The following NASP variants were observed in gnomAD, a reference collection of about 807,000 sequenced individuals.
NASP encodes the protein nuclear autoantigenic sperm protein.
A neutral mutation model predicts 89.5 loss-of-function variants in NASP; 24 were observed. The ratio of observed to expected loss-of-function variants is 0.27; its 90% confidence interval spans 0.19 to 0.38. The LOEUF (loss-of-function observed/expected upper bound fraction) is 0.38. NASP is among the 10% of genes least tolerant of loss of function. The pLI, the probability that NASP is intolerant of heterozygous loss-of-function variation, is 1.00. For synonymous variants in NASP, 306 were observed against 324.7 expected (o/e 0.94, Z 0.62); for missense variants, 848 against 921.4 (o/e 0.92, Z 1.03).
chr1:45,589,227 A>G (rs1040607866), intron 1 of NASP, among the ~76,000 whole-genome samples: 3 of 152,114 alleles, frequency 2.0e-5, no homozygotes, highest in Non-Finnish European at 4.4e-5. Flanking sequence ...TCCTGGGCTC[A>G]AGCAATCTTC....
At chr1:45,587,689 A>T (rs868786900) in intron 1 of NASP, among the ~76,000 whole-genome samples, 2 of 4,418 alleles carry the variant, frequency 4.5e-4, no homozygotes, top group South Asian at 0.013. Flanking sequence ...TATATATATA[A>T]TTAATTTTTT....
chr1:45,601,043 G>A (rs892035998), intron 2 of NASP, among the ~76,000 whole-genome samples: 1 of 151,926 alleles, frequency 6.6e-6, no homozygotes, highest in Non-Finnish European at 1.5e-5. Context: ...TTATTACTAC[G>A]TTCTAAGAGT....
intron 3 of NASP, 60 bp from the exon 4 acceptor site, chr1:45,604,876 A>G (rs533478802): frequency 6.3e-6 from 8 of 1,262,434 alleles, no homozygotes; most frequent in Admixed American, 1.8e-5. Flanking sequence ...CTGAAGAACT[A>G]GAACTAAATG....
Position 45,616,336 on chromosome 1 carries a change from G to T in NASP, c.2023-1G>T. 6.2e-7 allele frequency: 1 copy of T among 1,614,088 alleles called. No individual in the cohort carries two copies. The highest frequency in any genetic ancestry group is 1.1e-5 in the South Asian group (1 of 91,080). Reference sequence around the variant, plus strand: ...TAATTTGGATTTGTCATTTCTCGCAGGTGGAGAGTTCTACTTCAGGTTTCA... The same window carrying T: ...TAATTTGGATTTGTCATTTCTCGCATGTGGAGAGTTCTACTTCAGGTTTCA... On this transcript the variant is annotated splice_acceptor_variant, in intron 11 of 14. Coordinates refer to ENST00000350030, the MANE Select transcript of NASP (RefSeq NM_002482.4). LOFTEE classifies it high-confidence loss of function.
intron 1 of NASP, among the ~76,000 whole-genome samples, chr1:45,590,539 G>A (rs1371375426): frequency 3.0e-5 from 4 of 133,688 alleles, no homozygotes; most frequent in Non-Finnish European, 4.6e-5. Context: ...GACAGAGCAA[G>A]ACTCTGTCTC....
At chr1:45,614,960 T>C (rs1175746104) in intron 9 of NASP, 53 bp from the exon 10 acceptor site, 2 of 1,477,860 alleles carry the variant, frequency 1.4e-6, no homozygotes, top group Admixed American at 2.0e-5. Context: ...ATTCTGGAAG[T>C]ATTTTATGTT....
intron 6 of NASP, chr1:45,612,632 G>A (rs1644034067): frequency 6.6e-6 from 1 of 152,348 alleles, no homozygotes; most frequent in Admixed American, 6.5e-5. Flanking sequence ...GCTGGCTGGA[G>A]TCTGTGGCAT....
At chr1:45,616,815 A>G (rs1003304353) in intron 13 of NASP, 112 bp downstream of exon 13, 7 of 1,027,792 alleles carry the variant, frequency 6.8e-6, no homozygotes, top group African/African-American at 1.6e-5. Context: ...TATTTTCCAA[A>G]GGTGGTAAGG....
In NASP at chr1:45,616,333, G is replaced by T. The variant is rs1194000123; in HGVS notation, c.2023-4G>T. 2 of 1,613,866 alleles carry T rather than the reference G, an allele frequency of 1.2e-6. No homozygotes were observed. The highest frequency in any genetic ancestry group is 2.7e-5 in the African/African-American group (2 of 74,926). On this transcript the variant is annotated splice_region_variant and splice_polypyrimidine_tract_variant and intron_variant, in intron 11 of 14. Coordinates refer to ENST00000350030, the MANE Select transcript of NASP (RefSeq NM_002482.4). ...AACTAATTTGGATTTGTCATTTCTC[G>T]CAGGTGGAGAGTTCTACTTCAGGTT...
At position 45,605,501 on chromosome 1, in the gene NASP, C is replaced by CA. The variant is rs1486218715; in HGVS notation, c.299+486dup. 3.3e-5 allele frequency among the ~76,000 whole-genome samples: 5 copies of CA among 151,272 alleles called. No homozygotes were observed. In the East Asian group the frequency reaches 9.7e-4, roughly 29 times the overall value. On this transcript the variant is annotated intron_variant, in intron 4 of 14. Coordinates refer to ENST00000350030, the MANE Select transcript of NASP (RefSeq NM_002482.4). ...TTTTTGAGATGGAGTCTCAGTCTGTCACCCAGGCTGGAATGCAGTGGCGCG... is the reference window on the plus strand; with the variant it reads ...TTTTTGAGATGGAGTCTCAGTCTGTCAACCCAGGCTGGAATGCAGTGGCGCG...
chr1:45,587,325 T>G (rs1464072366), intron 1 of NASP, among the ~76,000 whole-genome samples: 4 of 151,962 alleles, frequency 2.6e-5, no homozygotes, highest in Non-Finnish European at 5.9e-5. Flanking sequence ...TAGCTGGGAC[T>G]GCAGGTGTGT....
intron 1 of NASP, among the ~76,000 whole-genome samples, chr1:45,586,270 G>GTC (rs1276547736): frequency 1.6e-5 from 1 of 62,270 alleles, no homozygotes; most frequent in East Asian, 4.2e-4. Flanking sequence ...GTGTGTGTGT[G>GTC]TGTGTGTGTG....
intron 1 of NASP, among the ~76,000 whole-genome samples, chr1:45,586,278 GTGTGT>G (rs1644540923): frequency 2.2e-5 from 1 of 45,582 alleles, no homozygotes; most frequent in African/African-American, 7.5e-5. Flanking sequence ...GTGTGTGTGT[GTGTGT>G]GGTGTGTGTG....
At position 45,617,581 on chromosome 1, in the gene NASP, T is replaced by A. The variant is rs1553173715; in HGVS notation, c.2276T>A (p.Met759Lys). ...VPSGNEVSEN[M>K]EEEAENQAES... is the part of the protein sequence containing the mutation. ...AGTGGAAATGAAGTTTCGGAAAACA[T>A]GGAGGAGGAGGTGGGCAGTTAAGCA... Residue 759 changes from methionine (M) to lysine (K), a missense_variant, in exon 14 of 15, where the codon ATG becomes AAG. Met to Lys is a moderately conservative substitution (Grantham distance 95). Transcript: ENST00000350030. 1.3e-6 allele frequency: 2 copies of A among 1,592,566 alleles called. No homozygotes were observed. Among genetic ancestry groups the A allele is most frequent in the Non-Finnish European group, 1.7e-6 (2 of 1,172,084 alleles).
chr1:45,587,326 G>T (rs2148325548), intron 1 of NASP, among the ~76,000 whole-genome samples: 1 of 150,976 alleles, frequency 6.6e-6, no homozygotes, highest in African/African-American at 2.4e-5. Context: ...AGCTGGGACT[G>T]CAGGTGTGTA....
intron 14 of NASP, among the ~76,000 whole-genome samples, 179 bp downstream of exon 14, chr1:45,617,770 C>G (rs1644132386): frequency 6.6e-6 from 1 of 152,182 alleles, no homozygotes; most frequent in African/African-American, 2.4e-5. Flanking sequence ...TATAGGATGA[C>G]TCACTGACAA....
At chr1:45,587,346 C>G (rs2148325590) in intron 1 of NASP, among the ~76,000 whole-genome samples, 1 of 151,542 alleles carries the variant, frequency 6.6e-6, no homozygotes. Flanking sequence ...ACCACCACAC[C>G]TGGCTAATTT....
rs562580248 is a variant in NASP at position 45,602,725 on chromosome 1, G to A, written c.218+360G>A. 2.8e-3 allele frequency among the ~76,000 whole-genome samples: 425 copies of A among 152,188 alleles called. 2 individuals are homozygous for A. Among genetic ancestry groups the A allele is most frequent in the African/African-American group, 9.2e-3 (384 of 41,542 alleles). ...GTGGCACAATCTCATGCTCACTGCA[G>A]CCTCAACCTCCCAGGCTCCCCAGTA... On this transcript the variant is annotated intron_variant, in intron 3 of 14. Coordinates refer to ENST00000350030, the MANE Select transcript of NASP (RefSeq NM_002482.4).
intron 1 of NASP, chr1:45,588,645 C>G: frequency 2.2e-6 from 1 of 452,632 alleles, no homozygotes; most frequent in South Asian, 1.6e-5. Context: ...TTTTGTTTCT[C>G]TTAAGAATGA....
Sources: allele counts gnomAD v4.1 joint callset (sites outside exome capture counted in the v4.1 genomes callset), GRCh38; gene constraint gnomAD v4.1.1; transcripts MANE v1.5; gene names NCBI Gene and HGNC (gene_info 2026-07-23, HGNC 2026-07-21).